The following ZNF804B variants were observed in gnomAD, a reference collection of about 807,000 sequenced individuals.
ZNF804B encodes the protein zinc finger 804B.
ZNF804B carries 80 observed loss-of-function variants against 101.4 expected under a neutral mutation model. The ratio of observed to expected loss-of-function variants is 0.79; its 90% confidence interval spans 0.66 to 0.95. The LOEUF (loss-of-function observed/expected upper bound fraction) is 0.95. Among genes scored for constraint, ZNF804B ranks in the 40% least tolerant of loss-of-function variants. ZNF804B has a pLI of 0.00. For missense variants in ZNF804B, 1,673 were observed against 1,561.9 expected (o/e 1.07, Z -1.20); for synonymous variants, 622 against 558.8 (o/e 1.11, Z -1.59).
chr7:89,030,931 T>C (rs1460709646), intron 1 of ZNF804B, among the ~76,000 whole-genome samples: 1 of 152,036 alleles, frequency 6.6e-6, no homozygotes, highest in Non-Finnish European at 1.5e-5. Flanking sequence ...GTTGTGAGCT[T>C]TTCTTGGAAT....
intron 1 of ZNF804B, among the ~76,000 whole-genome samples, chr7:88,981,350 T>C (rs1441245548): frequency 1.3e-5 from 2 of 152,078 alleles, no homozygotes; most frequent in Non-Finnish European, 2.9e-5. Context: ...TCTATTCTAC[T>C]GTGGTTGAGC....
intron 1 of ZNF804B, among the ~76,000 whole-genome samples, chr7:88,940,954 G>A (rs892791381): frequency 6.6e-6 from 1 of 151,550 alleles, no homozygotes; most frequent in Non-Finnish European, 1.5e-5. Flanking sequence ...TAAAAATTGG[G>A]TTTAAAAAAA....
chr7:89,025,627 A>G (rs561701164), intron 1 of ZNF804B, among the ~76,000 whole-genome samples: 1 of 152,218 alleles, frequency 6.6e-6, no homozygotes, highest in South Asian at 2.1e-4. Flanking sequence ...AGCTATTGGC[A>G]TGTTGTCAAT....
At chr7:88,995,352 T>C (rs1039888415) in intron 1 of ZNF804B, among the ~76,000 whole-genome samples, 1 of 152,096 alleles carries the variant, frequency 6.6e-6, no homozygotes, top group Non-Finnish European at 1.5e-5. Flanking sequence ...ATATAATAGA[T>C]ATACTTACTA....
chr7:89,264,741 C>G (rs1480704343), intron 2 of ZNF804B, among the ~76,000 whole-genome samples: 1 of 152,182 alleles, frequency 6.6e-6, no homozygotes, highest in Non-Finnish European at 1.5e-5. Flanking sequence ...ACTGGAGACT[C>G]TCAAATATAT....
At chr7:88,819,586 C>A (rs1168219639) in intron 1 of ZNF804B, among the ~76,000 whole-genome samples, 1 of 152,112 alleles carries the variant, frequency 6.6e-6, no homozygotes, top group East Asian at 1.9e-4. Context: ...TGAATGTTTC[C>A]TGCTTACTGA....
chr7:88,996,510 G>A (rs1195948469), intron 1 of ZNF804B, among the ~76,000 whole-genome samples: 1 of 151,958 alleles, frequency 6.6e-6, no homozygotes, highest in Non-Finnish European at 1.5e-5. Flanking sequence ...TTCTCAAGAG[G>A]TTATCAGCTT....
intron 1 of ZNF804B, among the ~76,000 whole-genome samples, chr7:88,898,917 A>G (rs1430490714): frequency 6.6e-6 from 1 of 152,174 alleles, no homozygotes; most frequent in African/African-American, 2.4e-5. Context: ...CACACAAAAG[A>G]CAGAGCGGTG....
intron 1 of ZNF804B, among the ~76,000 whole-genome samples, chr7:88,927,709 C>T: frequency 6.6e-6 from 1 of 152,046 alleles, no homozygotes; most frequent in East Asian, 1.9e-4. Flanking sequence ...CTAGCCCCTT[C>T]CCCAAGTGAT....
chr7:88,849,066 C>T (rs979206936), intron 1 of ZNF804B, among the ~76,000 whole-genome samples: 1 of 152,130 alleles, frequency 6.6e-6, no homozygotes, highest in African/African-American at 2.4e-5. Context: ...AACAAAATAG[C>T]TGCTCACTGC....
intron 1 of ZNF804B, among the ~76,000 whole-genome samples, chr7:88,865,363 C>A (rs930401948): frequency 6.6e-6 from 1 of 151,896 alleles, no homozygotes; most frequent in East Asian, 1.9e-4. Context: ...GAAACCTTGT[C>A]TCTACAGAAA....
chr7:89,219,874 A>G (rs1788955681), intron 2 of ZNF804B, among the ~76,000 whole-genome samples: 1 of 98,406 alleles, frequency 1.0e-5, no homozygotes, highest in African/African-American at 3.7e-5. Context: ...GTGTATATGT[A>G]GTATATGTGT....
intron 2 of ZNF804B, among the ~76,000 whole-genome samples, chr7:89,254,665 A>C (rs1179208583): frequency 6.9e-6 from 1 of 145,356 alleles, no homozygotes; most frequent in Non-Finnish European, 1.5e-5. Flanking sequence ...TTTTTTTTTG[A>C]GTCAGAATCT....
At position 88,948,378 on chromosome 7, in the gene ZNF804B, A is replaced by C. The variant is rs994783661; in HGVS notation, c.108+188294A>C. Among the ~76,000 whole-genome samples the C allele has an allele frequency of 1.8e-4, 24 of 136,212 alleles. 1 individual carries two copies. The highest frequency in any genetic ancestry group is 2.8e-5 in the African/African-American group (1 of 35,396). The allele number at this position is 136,212 out of a possible 152,430, so 89.4% of individuals were successfully genotyped here. ...AAGGCTGGAGTGCAGCGGTATGATC[A>C]TGGGCCATCGCAGCCTCAACCTCCA... is the stretch of plus-strand genomic sequence containing the variant. On this transcript the variant is annotated intron_variant, in intron 1 of 3. Transcript: ENST00000333190.
Position 89,136,298 on chromosome 7 carries a change from G to T in ZNF804B, c.109-81857G>T, listed in dbSNP as rs140195660. ...TACCATATTCACTGTATTCAGGTAA[G>T]AATGCTATTTCTTTGTGTGTGTATT... is the stretch of plus-strand genomic sequence containing the variant. On this transcript the variant is annotated intron_variant, in intron 1 of 3. Coordinates refer to ENST00000333190, the MANE Select transcript of ZNF804B (RefSeq NM_181646.5). 3.6e-4 allele frequency among the ~76,000 whole-genome samples: 55 copies of T among 152,166 alleles called. No individual in the cohort carries two copies. The East Asian group carries it at 9.3e-3, about 26-fold the overall frequency.
At chr7:88,797,712 T>A (rs2115702106) in intron 1 of ZNF804B, among the ~76,000 whole-genome samples, 1 of 152,270 alleles carries the variant, frequency 6.6e-6, no homozygotes, top group Admixed American at 6.5e-5. Flanking sequence ...AAACTGTTCC[T>A]TACTGACAGC....
chr7:89,327,366 G>A lies in ZNF804B; in HGVS notation c.272G>A (p.Arg91Gln), dbSNP rs367905584. Reference sequence around the variant, plus strand: ...AAGAGACTGAAAGAATTAAAGCAACGGGAATTTGCTCGAAATGTAGCTTCT... The same window carrying A: ...AAGAGACTGAAAGAATTAAAGCAACAGGAATTTGCTCGAAATGTAGCTTCT... ...HKQRLKELKQREFARNVASKS... is the reference protein window; with the variant it reads ...HKQRLKELKQQEFARNVASKS... The change falls in exon 3 of 4, where the codon CGG becomes CAG. Residue 91 changes from arginine (R) to glutamine (Q), a missense_variant. Coordinates refer to ENST00000333190, the MANE Select transcript of ZNF804B (RefSeq NM_181646.5). 1.0e-5 allele frequency: 16 copies of A among 1,605,586 alleles called. No homozygotes were observed. The highest frequency in any genetic ancestry group is 8.1e-5 in the African/African-American group (6 of 74,302).
intron 1 of ZNF804B, among the ~76,000 whole-genome samples, chr7:88,949,211 C>G: frequency 6.6e-6 from 1 of 151,742 alleles, no homozygotes; most frequent in East Asian, 2.0e-4. Flanking sequence ...TGATTCTAGT[C>G]CAAGGTTTCT....
intron 1 of ZNF804B, among the ~76,000 whole-genome samples, chr7:88,899,037 C>A (rs1792350343): frequency 6.6e-6 from 1 of 152,076 alleles, no homozygotes. Flanking sequence ...CATCCCCATC[C>A]CCAATTTTTG....
Sources: gnomAD v4.1 joint callset for allele counts (sites outside exome capture counted in the v4.1 genomes callset) on GRCh38, gnomAD v4.1.1 for gene constraint, MANE v1.5 for transcripts, NCBI Gene and HGNC (gene_info 2026-07-23, HGNC 2026-07-21) for gene names.